Variants in ADAM10 observed in about 807,000 individuals in gnomAD.
ADAM10 encodes the protein disintegrin and metalloproteinase domain-containing protein 10.
Under a neutral mutation model 90.1 loss-of-function variants are expected in ADAM10, and 17 were observed. That is an observed-to-expected ratio of 0.19 (90% confidence interval 0.13 to 0.28). The LOEUF (loss-of-function observed/expected upper bound fraction) is 0.28, where lower values mean the gene tolerates loss of function less well. ADAM10 is among the 10% of genes least tolerant of loss of function. ADAM10 has a pLI of 1.00. For missense variants in ADAM10, 610 were observed against 914.3 expected (o/e 0.67, Z 4.29); for synonymous variants, 310 against 298.6 (o/e 1.04, Z -0.40).
chr15:58,659,489 ATTATGT>A (rs1205559979), intron 5 of ADAM10, among the ~76,000 whole-genome samples: 50 of 152,046 alleles, frequency 3.3e-4, no homozygotes, highest in Middle Eastern at 3.2e-3. Context: ...TTCATCCTTT[ATTATGT>A]TTATGTGGTG....
intron 1 of ADAM10, among the ~76,000 whole-genome samples, chr15:58,725,461 G>A (rs868807425): frequency 2.0e-5 from 3 of 151,174 alleles, no homozygotes; most frequent in Non-Finnish European, 4.4e-5. Context: ...CAGGAGGTTC[G>A]CTTGAGCCCA....
intron 1 of ADAM10, among the ~76,000 whole-genome samples, chr15:58,722,974 C>T (rs1481830613): frequency 6.6e-5 from 10 of 152,008 alleles, no homozygotes. Context: ...TCAAGCGATC[C>T]TCCTGCCTCA....
At chr15:58,644,045 T>C (rs1896485163) in intron 6 of ADAM10, 67 bp from the exon 7 acceptor site, 1 of 1,245,826 alleles carries the variant, frequency 8.0e-7, no homozygotes, top group Admixed American at 1.7e-5. Context: ...TAAATTTCCA[T>C]TTCCAAAATC....
At chr15:58,610,018 T>C (rs1413415688) in intron 14 of ADAM10, 4 of 395,980 alleles carry the variant, frequency 1.0e-5, no homozygotes, top group Non-Finnish European at 1.8e-5. Flanking sequence ...CCTAATAATA[T>C]GCACCAAAAG....
intron 7 of ADAM10, among the ~76,000 whole-genome samples, chr15:58,642,627 C>CTTATTTA (rs1306505574): frequency 2.6e-5 from 4 of 152,096 alleles, no homozygotes; most frequent in Non-Finnish European, 5.9e-5. Flanking sequence ...CAACCAACTA[C>CTTATTTA]CACATCATTT....
At chr15:58,702,013 G>A (rs1016696487) in intron 2 of ADAM10, among the ~76,000 whole-genome samples, 1 of 152,160 alleles carries the variant, frequency 6.6e-6, no homozygotes, top group East Asian at 1.9e-4. Context: ...GGCTGAGGCA[G>A]AAGAATCGCT....
At chr15:58,660,174 ATTTTC>A (rs1265711140) in intron 5 of ADAM10, among the ~76,000 whole-genome samples, 4 of 151,660 alleles carry the variant, frequency 2.6e-5, no homozygotes, top group East Asian at 3.9e-4. Context: ...ACAATTAGCT[ATTTTC>A]TTTTCTTTTT....
intron 11 of ADAM10, among the ~76,000 whole-genome samples, chr15:58,616,617 A>G (rs1895623655): frequency 6.6e-6 from 1 of 152,230 alleles, no homozygotes. Flanking sequence ...ACCAAATACT[A>G]TGGGATACAG....
chr15:58,719,828 A>G (rs974093677), intron 1 of ADAM10, among the ~76,000 whole-genome samples: 14 of 152,228 alleles, frequency 9.2e-5, no homozygotes, highest in Non-Finnish European at 1.8e-4. Context: ...CATAAAATGA[A>G]GAAACTAGAG....
intron 2 of ADAM10, chr15:58,691,633 C>T: frequency 2.4e-6 from 1 of 412,504 alleles, no homozygotes; most frequent in Admixed American, 2.9e-5. Flanking sequence ...TTCTCCTTGT[C>T]TTCTGCCAGC....
chr15:58,705,485 A>G (rs1232741621), intron 2 of ADAM10, among the ~76,000 whole-genome samples: 6 of 152,200 alleles, frequency 3.9e-5, no homozygotes, highest in African/African-American at 1.4e-4. Context: ...TGCACCAAAC[A>G]GATACTGAGT....
chr15:58,670,993 A>G (rs372511104), intron 4 of ADAM10, among the ~76,000 whole-genome samples: 2 of 152,280 alleles, frequency 1.3e-5, no homozygotes, highest in South Asian at 2.1e-4. Flanking sequence ...ATAAGGTTAT[A>G]AAGCTATTCT....
chr15:58,735,820 G>A (rs1359194569), intron 1 of ADAM10, among the ~76,000 whole-genome samples: 1 of 152,074 alleles, frequency 6.6e-6, no homozygotes, highest in Non-Finnish European at 1.5e-5. Context: ...TACCCAGCAA[G>A]TTGGTATCTG....
intron 1 of ADAM10, among the ~76,000 whole-genome samples, chr15:58,738,700 G>C (rs1373542580): frequency 6.6e-6 from 1 of 152,060 alleles, no homozygotes; most frequent in Non-Finnish European, 1.5e-5. Context: ...AAAATCTATT[G>C]AATGTATTAA....
At chr15:58,725,787 G>C (rs1899009138) in intron 1 of ADAM10, among the ~76,000 whole-genome samples, 2 of 151,968 alleles carry the variant, frequency 1.3e-5, no homozygotes, top group South Asian at 2.1e-4. Flanking sequence ...AAGAAAAAAA[G>C]AACTCTATCA....
intron 1 of ADAM10, among the ~76,000 whole-genome samples, chr15:58,731,835 G>A (rs1440886820): frequency 6.6e-6 from 1 of 152,016 alleles, no homozygotes; most frequent in African/African-American, 2.4e-5. Flanking sequence ...TGACATGTGC[G>A]GCCTGGTCTT....
chr15:58,605,648 G>T (rs544221020), intron 14 of ADAM10, among the ~76,000 whole-genome samples: 1 of 152,148 alleles, frequency 6.6e-6, no homozygotes, highest in African/African-American at 2.4e-5. Flanking sequence ...CATTTACTGA[G>T]CGTAAACTGA....
chr15:58,681,591 T>C (rs1235866445), intron 3 of ADAM10, among the ~76,000 whole-genome samples: 3 of 152,198 alleles, frequency 2.0e-5, no homozygotes, highest in Admixed American at 2.0e-4. Context: ...AGATTTTCAT[T>C]TTTTAAGCTT....
chr15:58,655,992 C>T (rs981931296), intron 5 of ADAM10, among the ~76,000 whole-genome samples: 6 of 151,620 alleles, frequency 4.0e-5, no homozygotes, highest in Admixed American at 1.3e-4. Flanking sequence ...GGTGATCCAC[C>T]CACCTCAGCC....
Sources: allele counts gnomAD v4.1 joint callset (sites outside exome capture counted in the v4.1 genomes callset), GRCh38; gene constraint gnomAD v4.1.1; transcripts MANE v1.5; gene names NCBI Gene and HGNC (gene_info 2026-07-23, HGNC 2026-07-21).